TLN2: variants seen among roughly 807,000 people sequenced by gnomAD.
The protein encoded by TLN2 is talin-2.
TLN2 carries 118 observed loss-of-function variants against 294.7 expected under a neutral mutation model. The observed-to-expected ratio is 0.40, with a 90% CI of 0.34 to 0.47. The LOEUF (loss-of-function observed/expected upper bound fraction) is 0.47, where lower values mean the gene tolerates loss of function less well. Among genes scored for constraint, TLN2 ranks in the 20% least tolerant of loss-of-function variants. The pLI is 0.84. For synonymous variants in TLN2, 1,431 were observed against 1,304.5 expected (o/e 1.10, Z -2.09); for missense variants, 3,083 against 3,282.2 (o/e 0.94, Z 1.48).
chr15:62,700,536 A>G (rs1329649229), intron 16 of TLN2, among the ~76,000 whole-genome samples: 1 of 152,180 alleles, frequency 6.6e-6, no homozygotes, highest in Non-Finnish European at 1.5e-5. Context: ...TGCTAGTGGT[A>G]GATCTGGATC....
intron 9 of TLN2, among the ~76,000 whole-genome samples, chr15:62,659,546 T>C (rs2053594566): frequency 6.6e-6 from 1 of 152,188 alleles, no homozygotes; most frequent in Non-Finnish European, 1.5e-5. Flanking sequence ...GGTCCTGCAG[T>C]TTGTGGTCCT....
chr15:62,787,389 T>TC (rs1300116429), intron 45 of TLN2, among the ~76,000 whole-genome samples: 1 of 152,110 alleles, frequency 6.6e-6, no homozygotes, highest in Non-Finnish European at 1.5e-5. Flanking sequence ...TTAGACCCCC[T>TC]CCAACTGGAA....
intron 1 of TLN2, among the ~76,000 whole-genome samples, chr15:62,464,025 C>T (rs539627242): frequency 3.8e-4 from 58 of 152,298 alleles, no homozygotes; most frequent in African/African-American, 1.3e-3. Context: ...GGCAATTCCT[C>T]AAGGATCTAG....
Position 62,739,400 on chromosome 15 carries a change from C to T in TLN2, c.3740C>T (p.Ala1247Val). The T allele has an allele frequency of 6.2e-7, 1 of 1,614,156 alleles. No homozygotes were observed. Among genetic ancestry groups the T allele is most frequent in the Non-Finnish European group, 8.5e-7 (1 of 1,180,030 alleles). Residue 1247 changes from alanine (A) to valine (V), a missense_variant, in exon 31 of 59, where the codon GCA becomes GTA. Ala to Val is a moderately conservative substitution (Grantham distance 64). Transcript: ENST00000636159. ...FQEAQSELNQAAADLNQSAGE... is the reference protein window; with the variant it reads ...FQEAQSELNQVAADLNQSAGE... ...GAAGCCCAGAGTGAACTGAACCAGG[C>T]AGCAGCTGATCTGAACCAGTCTGCT...
intron 54 of TLN2, chr15:62,831,674 G>T (rs2068863055): frequency 6.6e-6 from 1 of 152,016 alleles, no homozygotes; most frequent in Non-Finnish European, 1.5e-5. Flanking sequence ...AGCAAGACTT[G>T]GTCAGCAATA....
intron 1 of TLN2, among the ~76,000 whole-genome samples, chr15:62,542,889 A>C (rs144437470): frequency 7.2e-5 from 11 of 152,214 alleles, no homozygotes; most frequent in African/African-American, 2.6e-4. Flanking sequence ...TTACAAGCAG[A>C]AGTCATGAAA....
At chr15:62,558,624 A>C (rs1197822734) in intron 1 of TLN2, among the ~76,000 whole-genome samples, 1 of 152,246 alleles carries the variant, frequency 6.6e-6, no homozygotes, top group Non-Finnish European at 1.5e-5. Flanking sequence ...CCAGGGAATG[A>C]GTAGTTCTCA....
At chr15:62,696,797 T>A (rs1292026317) in intron 14 of TLN2, among the ~76,000 whole-genome samples, 1 of 152,206 alleles carries the variant, frequency 6.6e-6, no homozygotes, top group Non-Finnish European at 1.5e-5. Context: ...TGGGGAAGGT[T>A]CCAAAGCCTC....
chr15:62,682,047 A>G (rs118097147), intron 11 of TLN2, among the ~76,000 whole-genome samples: 5,784 of 152,190 alleles, frequency 0.038, 123 homozygotes, highest in Middle Eastern at 0.078. Flanking sequence ...GAGCCACTGT[A>G]TCTGGCCTGA....
chr15:62,562,530 C>CATTTATTTATTTATTT lies in TLN2; in HGVS notation c.-237-27144_-237-27129dup, dbSNP rs34080138. ...CTAGCCTTCCTGAACATCTCTCCTCCATTTATTTATTTATTTATTTATTTA... is the reference window on the plus strand; with the variant it reads ...CTAGCCTTCCTGAACATCTCTCCTCCATTTATTTATTTATTTATTTATTTATTTATTTATTTATTTA... On this transcript the variant is annotated intron_variant, in intron 1 of 58. Coordinates refer to ENST00000636159, the MANE Select transcript of TLN2 (RefSeq NM_015059.3). Among the ~76,000 whole-genome samples, 588 of 150,222 alleles carry CATTTATTTATTTATTT rather than the reference C, an allele frequency of 3.9e-3. 5 individuals carry two copies. The highest frequency in any genetic ancestry group is 0.014 in the African/African-American group (557 of 40,640).
At chr15:62,528,048 T>C (rs1258402475) in intron 1 of TLN2, among the ~76,000 whole-genome samples, 3 of 152,244 alleles carry the variant, frequency 2.0e-5, no homozygotes, top group African/African-American at 7.2e-5. Context: ...TGAGTTTTCT[T>C]AGTTTTAAAA....
At chr15:62,745,060 C>A (rs967808544) in intron 32 of TLN2, among the ~76,000 whole-genome samples, 2 of 152,174 alleles carry the variant, frequency 1.3e-5, no homozygotes, top group East Asian at 3.9e-4. Flanking sequence ...TTTCTTCTCA[C>A]ACTCCACCCC....
intron 1 of TLN2, among the ~76,000 whole-genome samples, chr15:62,564,411 A>G (rs1466865402): frequency 2.0e-5 from 3 of 152,160 alleles, no homozygotes; most frequent in African/African-American, 7.2e-5. Flanking sequence ...CTTTTCACAC[A>G]TTGGTGGCAA....
At chr15:62,601,436 A>T (rs1046561109) in intron 2 of TLN2, among the ~76,000 whole-genome samples, 2 of 152,144 alleles carry the variant, frequency 1.3e-5, no homozygotes, top group East Asian at 3.8e-4. Context: ...ATGATTTCTT[A>T]GTTGAATCTC....
rs567125898 is a variant in TLN2, at chr15:62,607,006, G to A, written c.-161-11345G>A. On this transcript the variant is annotated intron_variant, in intron 2 of 58. Coordinates refer to ENST00000636159, the MANE Select transcript of TLN2 (RefSeq NM_015059.3). The stretch of plus-strand genomic sequence containing the variant: ...CCTCCTCCTCACCATCACCACCACC[G>A]CTGCCTGTAGTCTTCCGCCCCTTCC... 2.6e-5 allele frequency among the ~76,000 whole-genome samples: 4 copies of A among 152,174 alleles called. No individual in the cohort carries two copies. In the East Asian group the frequency reaches 7.7e-4, roughly 29 times the overall value.
intron 9 of TLN2, among the ~76,000 whole-genome samples, chr15:62,661,940 T>A (rs956052397): frequency 1.6e-4 from 25 of 152,174 alleles, no homozygotes; most frequent in African/African-American, 6.0e-4. Context: ...TATATGTGCC[T>A]AACACTGCCT....
intron 26 of TLN2, among the ~76,000 whole-genome samples, chr15:62,724,768 C>T (rs2060345407): frequency 6.6e-6 from 1 of 152,090 alleles, no homozygotes; most frequent in African/African-American, 2.4e-5. Context: ...ATGAGACATA[C>T]CTAATTGATG....
Position 62,727,199 on chromosome 15 carries a change from A to AGT in TLN2, c.3358+10_3358+11insGT. On this transcript the variant is annotated intron_variant, in intron 28 of 58. Transcript: ENST00000636159. ...AACGAACACTACACAGGTGAGACCC[A>AGT]CGCCCTTCATGCCACTGTGGCCAGC... 5.6e-6 allele frequency: 9 copies of AGT among 1,609,880 alleles called. No homozygotes were observed. The highest frequency in any genetic ancestry group is 7.6e-6 in the Non-Finnish European group (9 of 1,177,736).
At chr15:62,481,332 A>G (rs1012401825) in intron 1 of TLN2, among the ~76,000 whole-genome samples, 11 of 152,198 alleles carry the variant, frequency 7.2e-5, no homozygotes, top group African/African-American at 1.9e-4. Flanking sequence ...AGGTGGTATC[A>G]GAACTCTATA....
Sources: allele counts gnomAD v4.1 joint callset (sites outside exome capture counted in the v4.1 genomes callset), GRCh38; gene constraint gnomAD v4.1.1; transcripts MANE v1.5; gene names NCBI Gene and HGNC (gene_info 2026-07-23, HGNC 2026-07-21).